ZDHHC14: variants seen among roughly 807,000 people sequenced by gnomAD.
ZDHHC14 encodes zDHHC palmitoyltransferase 14, also known as palmitoyltransferase ZDHHC14.
Under a neutral mutation model 47.7 loss-of-function variants are expected in ZDHHC14, and 16 were observed. The ratio of observed to expected loss-of-function variants is 0.34; its 90% CI spans 0.23 to 0.51. The LOEUF (loss-of-function observed/expected upper bound fraction) is 0.51, where lower values mean the gene tolerates loss of function less well. Among genes scored for constraint, ZDHHC14 ranks in the 20% least tolerant of loss-of-function variants. The pLI, the probability that ZDHHC14 is intolerant of heterozygous loss-of-function variation, is 0.97. For synonymous variants in ZDHHC14, 293 were observed against 278.9 expected (o/e 1.05, Z -0.50); for missense variants, 515 against 662.5 (o/e 0.78, Z 2.44).
intron 2 of ZDHHC14, among the ~76,000 whole-genome samples, chr6:157,548,854 C>T (rs1184973071): frequency 6.6e-6 from 1 of 152,222 alleles, no homozygotes; most frequent in African/African-American, 2.4e-5. Flanking sequence ...AAATATTCCT[C>T]GTGCTTTTAC....
At chr6:157,447,304 G>A (rs1383555341) in intron 1 of ZDHHC14, among the ~76,000 whole-genome samples, 1 of 152,232 alleles carries the variant, frequency 6.6e-6, no homozygotes, top group African/African-American at 2.4e-5. Flanking sequence ...TCCCTGTGGG[G>A]TGAGGCGTCC....
At chr6:157,406,722 G>A (rs909201439) in intron 1 of ZDHHC14, among the ~76,000 whole-genome samples, 19 of 152,224 alleles carry the variant, frequency 1.2e-4, no homozygotes, top group African/African-American at 4.1e-4. Flanking sequence ...AATTCCATGA[G>A]GTCTACAGTG....
At chr6:157,650,870 G>A (rs1777799050) in intron 7 of ZDHHC14, among the ~76,000 whole-genome samples, 1 of 152,198 alleles carries the variant, frequency 6.6e-6, no homozygotes, top group African/African-American at 2.4e-5. Flanking sequence ...CCAACAGTGA[G>A]GAGGGGATTT....
chr6:157,389,048 G>A (rs1260666021), intron 1 of ZDHHC14, among the ~76,000 whole-genome samples: 1 of 152,034 alleles, frequency 6.6e-6, no homozygotes, highest in Non-Finnish European at 1.5e-5. Flanking sequence ...CATGCCATAT[G>A]TAGTCTTTTA....
chr6:157,433,997 C>A (rs1189258589), intron 1 of ZDHHC14, among the ~76,000 whole-genome samples: 1 of 152,130 alleles, frequency 6.6e-6, no homozygotes, highest in East Asian at 1.9e-4. Context: ...TAAGTGTACA[C>A]ATCATAAATA....
intron 3 of ZDHHC14, among the ~76,000 whole-genome samples, chr6:157,625,016 G>A (rs1785346002): frequency 6.6e-6 from 1 of 152,014 alleles, no homozygotes; most frequent in Non-Finnish European, 1.5e-5. Flanking sequence ...GGCGGAGGGG[G>A]ATCATTCCTT....
intron 5 of ZDHHC14, among the ~76,000 whole-genome samples, chr6:157,642,564 G>A (rs1777306015): frequency 2.0e-5 from 3 of 152,186 alleles, no homozygotes; most frequent in Admixed American, 2.0e-4. Context: ...CCACAACGGG[G>A]ACAAACTTTC....
At chr6:157,591,216 G>C (rs1783896898) in intron 2 of ZDHHC14, among the ~76,000 whole-genome samples, 1 of 152,202 alleles carries the variant, frequency 6.6e-6, no homozygotes, top group South Asian at 2.1e-4. Context: ...CTGTTGGAAA[G>C]GCATGATTGT....
At chr6:157,639,251 G>A (rs2114970594) in intron 5 of ZDHHC14, among the ~76,000 whole-genome samples, 1 of 152,372 alleles carries the variant, frequency 6.6e-6, no homozygotes, top group African/African-American at 2.4e-5. Context: ...ATGCTGGCAG[G>A]TAAATGACAT....
chr6:157,411,092 C>A (rs1442162961), intron 1 of ZDHHC14, among the ~76,000 whole-genome samples: 1 of 152,156 alleles, frequency 6.6e-6, no homozygotes, highest in Non-Finnish European at 1.5e-5. Flanking sequence ...CCTTGGGCAG[C>A]TTTTGAATAT....
intron 3 of ZDHHC14, among the ~76,000 whole-genome samples, chr6:157,612,824 C>A (rs891883583): frequency 1.5e-5 from 2 of 136,098 alleles, no homozygotes; most frequent in Non-Finnish European, 3.2e-5. Context: ...ATGTCTCCAT[C>A]GTAGTCTTCT....
intron 1 of ZDHHC14, among the ~76,000 whole-genome samples, chr6:157,433,788 T>G (rs1778387779): frequency 6.6e-6 from 1 of 152,216 alleles, no homozygotes; most frequent in East Asian, 1.9e-4. Flanking sequence ...CCTTTTCAAA[T>G]GGAGACTTTA....
At chr6:157,554,149 T>C (rs1318977621) in intron 2 of ZDHHC14, among the ~76,000 whole-genome samples, 1 of 152,240 alleles carries the variant, frequency 6.6e-6, no homozygotes, top group African/African-American at 2.4e-5. Flanking sequence ...GAGCGTCCAC[T>C]TTTTAAAAAT....
At chr6:157,425,644 C>G (rs1168658272) in intron 1 of ZDHHC14, among the ~76,000 whole-genome samples, 1 of 152,168 alleles carries the variant, frequency 6.6e-6, no homozygotes, top group Non-Finnish European at 1.5e-5. Flanking sequence ...GAAGAGGGAT[C>G]TTTTCAAAAG....
intron 2 of ZDHHC14, 122 bp from the exon 3 acceptor site, chr6:157,592,866 C>T (rs1377061459): frequency 3.4e-6 from 5 of 1,491,098 alleles, no homozygotes; most frequent in East Asian, 2.4e-5. Context: ...AAACCGTGGG[C>T]ACCGGGGGCC....
intron 2 of ZDHHC14, among the ~76,000 whole-genome samples, chr6:157,545,040 T>G (rs144961715): frequency 0.014 from 2,190 of 152,308 alleles, 68 homozygotes; most frequent in African/African-American, 0.049. Context: ...AAGAAAAGTA[T>G]TGATACAGGC....
rs527255396 is a variant in ZDHHC14, at chr6:157,412,728, T to C, written c.245+30462T>C. Reference sequence around the variant, plus strand: ...AGGAGTAATAAGCACAAGCGCACCATAGTTAGCCTGGATAGCAGGAGACCA... The same window carrying C: ...AGGAGTAATAAGCACAAGCGCACCACAGTTAGCCTGGATAGCAGGAGACCA... On this transcript the variant is annotated intron_variant, in intron 1 of 8. Coordinates refer to ENST00000359775, the MANE Select transcript of ZDHHC14 (RefSeq NM_024630.3). Among the ~76,000 whole-genome samples the C allele has an allele frequency of 2.2e-4, 34 of 152,346 alleles. No homozygotes were observed. In the South Asian group the frequency reaches 7.0e-3, roughly 32 times the overall value.
chr6:157,569,208 C>T (rs1282909789), intron 2 of ZDHHC14, among the ~76,000 whole-genome samples: 1 of 151,992 alleles, frequency 6.6e-6, no homozygotes, highest in African/African-American at 2.4e-5. Context: ...TTTCCCTACT[C>T]CACTCCTCCT....
intron 1 of ZDHHC14, among the ~76,000 whole-genome samples, chr6:157,413,215 G>A (rs371433027): frequency 6.6e-6 from 1 of 152,218 alleles, no homozygotes; most frequent in Non-Finnish European, 1.5e-5. Flanking sequence ...GGGTCGAGGG[G>A]TGGGCACATG....
Sources: allele counts gnomAD v4.1 joint callset (sites outside exome capture counted in the v4.1 genomes callset), GRCh38; gene constraint gnomAD v4.1.1; transcripts MANE v1.5; gene names NCBI Gene and HGNC (gene_info 2026-07-23, HGNC 2026-07-21).